The following SND1 variants were observed in gnomAD, a reference collection of about 807,000 sequenced individuals.
SND1 encodes the protein staphylococcal nuclease domain-containing protein 1.
Under a neutral mutation model 121.7 loss-of-function variants are expected in SND1, and 38 were observed. The ratio of observed to expected loss-of-function variants is 0.31; its 90% CI spans 0.24 to 0.41. SND1 has a LOEUF of 0.41. SND1 is among the 10% of genes least tolerant of loss of function. SND1 has a pLI of 1.00. For missense variants in SND1, 868 were observed against 1,184.6 expected, an observed-to-expected ratio of 0.73 and a Z score of 3.92; for synonymous variants, 401 against 447.4, an observed-to-expected ratio of 0.90 and a Z score of 1.31.
chr7:127,805,386 G>A (rs1285481812), intron 10 of SND1, among the ~76,000 whole-genome samples: 2 of 152,314 alleles, frequency 1.3e-5, no homozygotes, highest in East Asian at 3.9e-4. Flanking sequence ...TCTGGGAGAA[G>A]GAGCTACCTT....
intron 11 of SND1, among the ~76,000 whole-genome samples, chr7:127,812,849 CA>C: frequency 6.6e-6 from 1 of 152,258 alleles, no homozygotes; most frequent in South Asian, 2.1e-4. Flanking sequence ...GTGTTAAGTA[CA>C]AAAAGCTGGG....
chr7:128,067,679 C>T (rs1443782270), intron 16 of SND1, among the ~76,000 whole-genome samples: 2 of 152,160 alleles, frequency 1.3e-5, no homozygotes, highest in Non-Finnish European at 2.9e-5. Context: ...CTGAGGTTGG[C>T]TGAGGCTCAG....
At chr7:127,798,451 A>G (rs1798065996) in intron 10 of SND1, among the ~76,000 whole-genome samples, 1 of 152,200 alleles carries the variant, frequency 6.6e-6, no homozygotes, top group African/African-American at 2.4e-5. Flanking sequence ...CCAGGCTTCC[A>G]GTAGCTGGAA....
chr7:127,694,982 G>T, intron 3 of SND1, 34 bp downstream of exon 3: 1 of 1,601,020 alleles, frequency 6.2e-7, no homozygotes, highest in South Asian at 1.1e-5. Context: ...TTTCTCTCAA[G>T]TCTAAAGTTC....
At chr7:127,770,740 G>T (rs985605715) in intron 10 of SND1, among the ~76,000 whole-genome samples, 3 of 152,024 alleles carry the variant, frequency 2.0e-5, no homozygotes, top group Non-Finnish European at 4.4e-5. Context: ...AAAAGTGGTG[G>T]AATGAATGTG....
intron 14 of SND1, among the ~76,000 whole-genome samples, chr7:127,917,368 A>G (rs1327467771): frequency 1.3e-5 from 2 of 152,168 alleles, no homozygotes; most frequent in African/African-American, 2.4e-5. Flanking sequence ...ACGTATTTGT[A>G]TGCATGCATG....
At chr7:127,733,795 CCTT>C (rs898686598) in intron 10 of SND1, among the ~76,000 whole-genome samples, 1 of 152,006 alleles carries the variant, frequency 6.6e-6, no homozygotes, top group African/African-American at 2.4e-5. Context: ...CTGCCACTGC[CCTT>C]CTTTTCATGG....
chr7:127,911,329 A>G (rs552316527), intron 14 of SND1, among the ~76,000 whole-genome samples: 44 of 152,242 alleles, frequency 2.9e-4, no homozygotes, highest in African/African-American at 1.0e-3. Flanking sequence ...AAAAACTTCA[A>G]ACTCTTTCTC....
chr7:127,712,385 C>T (rs193165127), intron 9 of SND1, among the ~76,000 whole-genome samples: 2 of 152,258 alleles, frequency 1.3e-5, no homozygotes, highest in African/African-American at 2.4e-5. Context: ...TCTTGAACTC[C>T]TGGGCTCAAG....
intron 11 of SND1, among the ~76,000 whole-genome samples, chr7:127,832,745 ACCGGTACTGGTCCCTG>A: frequency 6.6e-6 from 1 of 152,188 alleles, no homozygotes; most frequent in African/African-American, 2.4e-5. Context: ...CGGACTGCGG[ACCGGTACTGGTCCCTG>A]GCCTGTTAGG....
intron 14 of SND1, among the ~76,000 whole-genome samples, chr7:127,922,175 CTTTTTTTTTT>C (rs1158535023): frequency 4.4e-4 from 25 of 57,176 alleles, no homozygotes; most frequent in African/African-American, 4.5e-4. Flanking sequence ...TTTTTCTTTC[CTTTTTTTTTT>C]TTTTTTTTTT....
chr7:127,831,685 G>C (rs1798743347), intron 11 of SND1, among the ~76,000 whole-genome samples: 1 of 152,216 alleles, frequency 6.6e-6, no homozygotes, highest in Admixed American at 6.5e-5. Context: ...TGATGAAACA[G>C]ATGCTCAAAG....
At chr7:127,885,960 C>T (rs1361676920) in intron 12 of SND1, among the ~76,000 whole-genome samples, 1 of 152,100 alleles carries the variant, frequency 6.6e-6, no homozygotes. Flanking sequence ...TCTCTTGTTC[C>T]CTGCTAGGGC....
At chr7:127,961,224 T>A (rs1801724100) in intron 15 of SND1, among the ~76,000 whole-genome samples, 1 of 152,246 alleles carries the variant, frequency 6.6e-6, no homozygotes, top group South Asian at 2.1e-4. Context: ...AAATTAAAAC[T>A]ACAATACTTG....
At chr7:128,044,006 G>A (rs774750418) in intron 16 of SND1, among the ~76,000 whole-genome samples, 1 of 152,148 alleles carries the variant, frequency 6.6e-6, no homozygotes, top group Non-Finnish European at 1.5e-5. Context: ...GGAGAGAAGG[G>A]TTGTGGGCCT....
Position 128,089,568 on chromosome 7 carries a change from T to C in SND1, c.2498T>C (p.Leu833Pro). The change falls in exon 22 of 24, where the codon CTG (leucine) becomes CCG (proline). Residue 833 changes from leucine to proline, a missense_variant. Leu to Pro is a moderately conservative substitution (Grantham distance 98). Transcript: ENST00000354725. ...CAGTGCCTGCTCAACGTGGAACACCTGAGTGCCGGCTGCCCCCATGTCACC... is the reference window on the plus strand; with the variant it reads ...CAGTGCCTGCTCAACGTGGAACACCCGAGTGCCGGCTGCCCCCATGTCACC... ...NTQCLLNVEH[L>P]SAGCPHVTLQ... is the part of the protein sequence containing the mutation. The C allele has an allele frequency of 6.2e-7, 1 of 1,614,202 alleles. No individual in the cohort carries two copies. The highest frequency in any genetic ancestry group is 8.5e-7 in the Non-Finnish European group (1 of 1,180,014).
At chr7:128,028,491 T>G in intron 16 of SND1, 1 of 518,636 alleles carries the variant, frequency 1.9e-6, no homozygotes, top group Non-Finnish European at 3.2e-6. Flanking sequence ...TAAATAGAAC[T>G]TACAAGTTAG....
chr7:127,919,668 A>G (rs1182344930), intron 14 of SND1, among the ~76,000 whole-genome samples: 1 of 152,176 alleles, frequency 6.6e-6, no homozygotes, highest in Non-Finnish European at 1.5e-5. Context: ...GCCCGGTCTC[A>G]TGTCTCAATT....
At chr7:127,938,328 A>G (rs1415676821) in intron 15 of SND1, among the ~76,000 whole-genome samples, 1 of 152,248 alleles carries the variant, frequency 6.6e-6, no homozygotes, top group Non-Finnish European at 1.5e-5. Context: ...TCTTCAATAG[A>G]TAAATTTTGG....
Sources: gnomAD v4.1 joint callset for allele counts (sites outside exome capture counted in the v4.1 genomes callset) on GRCh38, gnomAD v4.1.1 for gene constraint, MANE v1.5 for transcripts, NCBI Gene and HGNC (gene_info 2026-07-23, HGNC 2026-07-21) for gene names.